DARS1: variants seen among roughly 807,000 people sequenced by gnomAD.
DARS1 encodes the protein aspartyl-tRNA synthetase 1.
In DARS1, 51 loss-of-function variants were observed where a neutral mutation model predicts 68.8. The ratio of observed to expected loss-of-function variants is 0.74; its 90% CI spans 0.59 to 0.94. The LOEUF (loss-of-function observed/expected upper bound fraction) is 0.94. Ranked by LOEUF, DARS1 falls within the 40% of genes least tolerant of loss-of-function variation. DARS1 has a pLI of 0.00. For synonymous variants in DARS1, 203 were observed against 190.4 expected, an observed-to-expected ratio of 1.07 and a Z score of -0.55; for missense variants, 607 against 597.3, an observed-to-expected ratio of 1.02 and a Z score of -0.17.
chr2:135,958,194 T>C (rs1451442148), intron 4 of DARS1, among the ~76,000 whole-genome samples: 6 of 152,200 alleles, frequency 3.9e-5, no homozygotes, highest in Non-Finnish European at 8.8e-5. Flanking sequence ...CTTACTTATG[T>C]GAAAGTTAAT....
intron 5 of DARS1, 134 bp from the exon 6 acceptor site, chr2:135,934,124 TCAAA>T: frequency 7.2e-7 from 1 of 1,391,588 alleles, no homozygotes; most frequent in Non-Finnish European, 9.4e-7. Context: ...CTTGCTGAAA[TCAAA>T]CAAGATGATA....
intron 4 of DARS1, among the ~76,000 whole-genome samples, chr2:135,947,907 T>A (rs1296491975): frequency 6.6e-6 from 1 of 152,102 alleles, no homozygotes; most frequent in Admixed American, 6.6e-5. Flanking sequence ...GGAATCATAC[T>A]ACCTTCCCCA....
rs182664223 is a variant in DARS1 at position 135,945,467 on chromosome 2, A to G, written c.321-1987T>C. Among the ~76,000 whole-genome samples the G allele has an allele frequency of 3.0e-3, 464 of 152,284 alleles. 1 individual carries two copies. Among genetic ancestry groups the G allele is most frequent in the African/African-American group, 0.011 (449 of 41,562 alleles). On this transcript the variant is annotated intron_variant, in intron 4 of 15. Transcript: ENST00000264161. ...TTTAAGGACTGAGCGTCATGCTAGT[A>G]TCCTTCTAGAAAGAAGGTGGAATGT...
intron 7 of DARS1, among the ~76,000 whole-genome samples, chr2:135,926,918 T>C (rs941044471): frequency 6.6e-6 from 1 of 152,210 alleles, no homozygotes. Context: ...GAGAAACTTT[T>C]TGTACCTACT....
chr2:135,938,535 C>T lies in DARS1; in HGVS notation c.424-4545G>A, dbSNP rs144924245. On this transcript the variant is annotated intron_variant, in intron 5 of 15. Transcript: ENST00000264161. ...CTGTCCAGCTTTGTTGCGTTGCTGG[C>T]GAGGAGCTGCGTTCCTTTGGAGGAT... Among the ~76,000 whole-genome samples the T allele has an allele frequency of 1.3e-3, 192 of 152,222 alleles. 2 individuals carry two copies. The highest frequency in any genetic ancestry group is 4.2e-3 in the African/African-American group (175 of 41,548).
Position 135,916,272 on chromosome 2 carries a change from T to C in DARS1, c.1060A>G (p.Met354Val), listed in dbSNP as rs148908104. 64 of 1,583,192 alleles carry C rather than the reference T, an allele frequency of 4.0e-5. No homozygotes were observed. In the Middle Eastern group the frequency reaches 1.8e-3, roughly 45 times the overall value. ...ATTTCGACTCCAGCTTCCCTAAGCA[T>C]AGCCAATGCTTCACAATATTCTAGT... ...LRLEYCEALA[M>V]LREAGVEMGD... Residue 354 changes from methionine to valine, a missense_variant, in exon 11 of 16, where the codon ATG becomes GTG. Physicochemically the swap from Met to Val is conservative, Grantham distance 21 (BLOSUM62 1). Transcript: ENST00000264161.
chr2:135,956,221 T>G (rs973430838), intron 4 of DARS1, among the ~76,000 whole-genome samples: 1 of 152,192 alleles, frequency 6.6e-6, no homozygotes, highest in East Asian at 1.9e-4. Flanking sequence ...TATTCAAGAT[T>G]ATTGCAATAG....
chr2:135,926,731 T>A (rs1353234297), intron 7 of DARS1, among the ~76,000 whole-genome samples: 1 of 152,040 alleles, frequency 6.6e-6, no homozygotes, highest in Non-Finnish European at 1.5e-5. Flanking sequence ...CTGCAAACAA[T>A]CACATTGTGC....
intron 3 of DARS1, among the ~76,000 whole-genome samples, chr2:135,977,420 G>A (rs1052825253): frequency 1.3e-5 from 2 of 152,178 alleles, no homozygotes; most frequent in Non-Finnish European, 1.5e-5. Context: ...CATGGCAGTC[G>A]TAAAATAAAG....
Position 135,906,018 on chromosome 2 carries a change from G to T in DARS1, c.*1298C>A, listed in dbSNP as rs1048713149. Among the ~76,000 whole-genome samples the T allele has an allele frequency of 6.6e-5, 10 of 152,116 alleles. No homozygotes were observed. The highest frequency in any genetic ancestry group is 2.2e-4 in the African/African-American group (9 of 41,418). On this transcript the variant is annotated 3_prime_UTR_variant, in exon 16 of 16. Coordinates refer to ENST00000264161, the MANE Select transcript of DARS1 (RefSeq NM_001349.4). ...AGATGGATATTTTATTCTTGCTGTG[G>T]ATTAAATTATGAAATACTTTTGGGG...
intron 4 of DARS1, among the ~76,000 whole-genome samples, chr2:135,960,409 A>G (rs1682074601): frequency 6.6e-6 from 1 of 152,182 alleles, no homozygotes; most frequent in Non-Finnish European, 1.5e-5. Flanking sequence ...GGAGGGCTGA[A>G]AGCTAAATTA....
chr2:135,955,705 T>TTTTTA (rs1553446835), intron 4 of DARS1, among the ~76,000 whole-genome samples: 7 of 123,468 alleles, frequency 5.7e-5, no homozygotes, highest in Admixed American at 1.8e-4. Context: ...TTTTTTTTTT[T>TTTTTA]AGACAGGGTC....
In DARS1 at chr2:135,907,242, C is replaced by CTTTTT. The variant is rs992435404; in HGVS notation, c.*69_*73dup. The CTTTTT allele has an allele frequency of 9.1e-4, 411 of 453,670 alleles. 15 individuals are homozygous for CTTTTT. The highest frequency in any genetic ancestry group is 8.0e-3 in the African/African-American group (284 of 35,328). The allele number at this position is 453,670 out of a possible 1,614,324, so 28.1% of individuals were successfully genotyped here. On this transcript the variant is annotated 3_prime_UTR_variant, in exon 16 of 16. Transcript: ENST00000264161. The stretch of plus-strand genomic sequence containing the variant: ...TACTGAAAAGAATAAGTGTGGCTTT[C>CTTTTT]TTTTTTTTTTTTTTTTTTTGAGGCA...
At position 135,919,364 on chromosome 2, in the gene DARS1, T is replaced by C. The variant is rs80160510; in HGVS notation, c.959+1089A>G. Among the ~76,000 whole-genome samples the C allele has an allele frequency of 8.4e-3, 1,276 of 152,298 alleles. 14 individuals carry two copies. Among genetic ancestry groups the C allele is most frequent in the African/African-American group, 0.027 (1,132 of 41,564 alleles). ...CATTCTTAAACATACTCATTAGCCCTGCAATGCAGTAAATAAAATTCGTAT... is the reference window on the plus strand; with the variant it reads ...CATTCTTAAACATACTCATTAGCCCCGCAATGCAGTAAATAAAATTCGTAT... On this transcript the variant is annotated intron_variant, in intron 10 of 15. Transcript: ENST00000264161.
intron 4 of DARS1, among the ~76,000 whole-genome samples, chr2:135,945,391 C>T (rs1575396088): frequency 6.6e-6 from 1 of 152,056 alleles, no homozygotes; most frequent in African/African-American, 2.4e-5. Flanking sequence ...GCCTCCCAAA[C>T]TGCTGGGATT....
rs992435404 is a variant in DARS1 at position 135,907,242 on chromosome 2, C to CTTTT, written c.*70_*73dup. On this transcript the variant is annotated 3_prime_UTR_variant, in exon 16 of 16. Transcript: ENST00000264161. ...TACTGAAAAGAATAAGTGTGGCTTT[C>CTTTT]TTTTTTTTTTTTTTTTTTTGAGGCA... 671 of 453,644 alleles carry CTTTT rather than the reference C, an allele frequency of 1.5e-3. 19 individuals carry two copies. The highest frequency in any genetic ancestry group is 7.3e-3 in the South Asian group (254 of 34,730). 28.1% of individuals were successfully genotyped at this position (453,644 alleles called of 1,614,324 possible).
intron 5 of DARS1, 135 bp from the exon 6 acceptor site, chr2:135,934,125 C>G: frequency 7.2e-7 from 1 of 1,388,336 alleles, no homozygotes; most frequent in Non-Finnish European, 9.5e-7. Context: ...TTGCTGAAAT[C>G]AAACAAGATG....
In DARS1 at chr2:135,924,385, A is replaced by T. The variant is rs1250918201; in HGVS notation, c.676+2T>A. 1.3e-6 allele frequency: 2 copies of T among 1,591,210 alleles called. No homozygotes were observed. Among genetic ancestry groups the T allele is most frequent in the Non-Finnish European group, 1.7e-6 (2 of 1,173,910 alleles). On this transcript the variant is annotated splice_donor_variant, in intron 8 of 15. Transcript: ENST00000264161. LOFTEE classifies it high-confidence loss of function. ...AATTAAGAGAAATATTTTGAAGCAT[A>T]CCTGAAATAATTTTAGGAGTTTGGA...
intron 5 of DARS1, among the ~76,000 whole-genome samples, chr2:135,937,620 G>A (rs566490765): frequency 1.3e-5 from 2 of 152,248 alleles, no homozygotes; most frequent in East Asian, 1.9e-4. Flanking sequence ...TTTTTGCAGT[G>A]GCTGGTACTG....
Sources: allele counts gnomAD v4.1 joint callset (sites outside exome capture counted in the v4.1 genomes callset), GRCh38; gene constraint gnomAD v4.1.1; transcripts MANE v1.5; gene names NCBI Gene and HGNC (gene_info 2026-07-23, HGNC 2026-07-21).